Variants in UBAC2 observed in about 807,000 individuals in gnomAD.
UBAC2 encodes UBA domain containing 2.
Under a neutral mutation model 44.0 loss-of-function variants are expected in UBAC2, and 26 were observed. The ratio of observed to expected loss-of-function variants is 0.59; its 90% CI spans 0.43 to 0.82. The LOEUF (loss-of-function observed/expected upper bound fraction) is 0.82, where lower values mean the gene tolerates loss of function less well. Ranked by LOEUF, UBAC2 falls within the 40% of genes least tolerant of loss-of-function variation. The pLI is 0.00. For missense variants in UBAC2, 329 were observed against 419.4 expected, an observed-to-expected ratio of 0.78 and a Z score of 1.88; for synonymous variants, 155 against 154.3, an observed-to-expected ratio of 1.00 and a Z score of -0.04.
At chr13:99,318,619 G>A (rs1436438160) in intron 6 of UBAC2, among the ~76,000 whole-genome samples, 1 of 151,052 alleles carries the variant, frequency 6.6e-6, no homozygotes, top group Non-Finnish European at 1.5e-5. Flanking sequence ...AGGAGATCGA[G>A]ACCATCCTGG....
intron 7 of UBAC2, among the ~76,000 whole-genome samples, chr13:99,346,747 G>C (rs2044989336): frequency 6.6e-6 from 1 of 152,116 alleles, no homozygotes; most frequent in African/African-American, 2.4e-5. Flanking sequence ...CTCTGCCCCT[G>C]TAGACACTGC....
chr13:99,254,954 G>T (rs780396822), intron 4 of UBAC2: 2 of 1,614,042 alleles, frequency 1.2e-6, no homozygotes, highest in Non-Finnish European at 1.7e-6. Context: ...ATGCTTCGAA[G>T]GTAATTACGG....
At chr13:99,337,915 T>A (rs1254129830) in intron 6 of UBAC2, among the ~76,000 whole-genome samples, 2 of 152,042 alleles carry the variant, frequency 1.3e-5, no homozygotes, top group Non-Finnish European at 2.9e-5. Flanking sequence ...GGGTATCTAG[T>A]CTTTTGAACT....
chr13:99,320,339 C>T (rs781557262), intron 6 of UBAC2, among the ~76,000 whole-genome samples: 3 of 151,974 alleles, frequency 2.0e-5, no homozygotes, highest in Non-Finnish European at 2.9e-5. Context: ...AGGAATCAGA[C>T]GTTTAAAATA....
intron 4 of UBAC2, among the ~76,000 whole-genome samples, chr13:99,266,765 A>G (rs1231029311): frequency 2.0e-5 from 3 of 152,180 alleles, no homozygotes; most frequent in African/African-American, 7.2e-5. Flanking sequence ...GTTCATTCAC[A>G]CTGCTGTGCA....
intron 4 of UBAC2, chr13:99,255,914 AAT>A (rs763972706): frequency 6.7e-7 from 1 of 1,482,304 alleles, no homozygotes; most frequent in South Asian, 1.4e-5. Flanking sequence ...AAACTGTAAA[AAT>A]AGTTAAGAAA....
chr13:99,364,299 T>TAGC (rs2045303127), intron 7 of UBAC2, among the ~76,000 whole-genome samples: 1 of 151,028 alleles, frequency 6.6e-6, no homozygotes, highest in Admixed American at 6.6e-5. Flanking sequence ...AAACTGTTAA[T>TAGC]GTGTGGATTA....
chr13:99,360,622 C>T (rs2045252902), intron 7 of UBAC2, among the ~76,000 whole-genome samples: 1 of 152,174 alleles, frequency 6.6e-6, no homozygotes, highest in African/African-American at 2.4e-5. Context: ...ACTTAGGCCC[C>T]TTTCTTTGAA....
intron 2 of UBAC2, among the ~76,000 whole-genome samples, chr13:99,241,967 T>C (rs1168713572): frequency 6.6e-6 from 1 of 150,990 alleles, no homozygotes; most frequent in Non-Finnish European, 1.5e-5. Context: ...TTCAAGCATC[T>C]GTTTAACAAA....
chr13:99,259,257 T>C (rs936325907), intron 4 of UBAC2, among the ~76,000 whole-genome samples: 1 of 152,206 alleles, frequency 6.6e-6, no homozygotes, highest in African/African-American at 2.4e-5. Flanking sequence ...TCTTTATGTT[T>C]GGTTATGCAT....
intron 4 of UBAC2, among the ~76,000 whole-genome samples, chr13:99,248,762 A>G (rs1410261466): frequency 6.6e-6 from 1 of 151,816 alleles, no homozygotes; most frequent in East Asian, 1.9e-4. Flanking sequence ...CCTGGCCTCC[A>G]GCGATCCTCC....
intron 8 of UBAC2, among the ~76,000 whole-genome samples, chr13:99,382,351 G>A (rs934025350): frequency 6.6e-6 from 1 of 152,242 alleles, no homozygotes; most frequent in Non-Finnish European, 1.5e-5. Context: ...AGCATTTTAT[G>A]TGAAAATTCC....
intron 7 of UBAC2, among the ~76,000 whole-genome samples, chr13:99,343,445 C>G (rs1362228203): frequency 6.6e-6 from 1 of 152,194 alleles, no homozygotes; most frequent in Non-Finnish European, 1.5e-5. Context: ...GAGACAGACC[C>G]AAACCCCTGC....
intron 4 of UBAC2, among the ~76,000 whole-genome samples, chr13:99,298,246 G>T (rs1489136737): frequency 6.6e-6 from 1 of 152,150 alleles, no homozygotes; most frequent in Non-Finnish European, 1.5e-5. Flanking sequence ...ATGCAAATTT[G>T]ACCATGTGCT....
intron 8 of UBAC2, chr13:99,377,192 G>A (rs2045492528): frequency 8.4e-6 from 1 of 118,476 alleles, no homozygotes; most frequent in Non-Finnish European, 2.1e-5. Context: ...AAGCAAGCCA[G>A]GCCTGGTGCC....
At chr13:99,319,043 A>G (rs959012638) in intron 6 of UBAC2, among the ~76,000 whole-genome samples, 1 of 152,176 alleles carries the variant, frequency 6.6e-6, no homozygotes, top group African/African-American at 2.4e-5. Context: ...CACGAGGGAA[A>G]AAAATAATGC....
intron 4 of UBAC2, among the ~76,000 whole-genome samples, chr13:99,283,106 T>G (rs1325631354): frequency 1.3e-5 from 2 of 152,240 alleles, no homozygotes; most frequent in African/African-American, 4.8e-5. Flanking sequence ...TAATCAGTCA[T>G]GGGTACACCA....
Position 99,292,206 on chromosome 13 carries a change from GCTCACTGCAAGCTCCGT to G in UBAC2, c.390-21887_390-21871del, listed in dbSNP as rs558948202. ...ACTGGAGTGCAGTGGTGCAATCTCT[GCTCACTGCAAGCTCCGT>G]CTCCCAGGTTCACGCCATTCTCCCG... On this transcript the variant is annotated intron_variant, in intron 4 of 8. Transcript: ENST00000403766. Among the ~76,000 whole-genome samples the G allele has an allele frequency of 2.4e-3, 357 of 150,474 alleles. 3 individuals carry two copies. Among genetic ancestry groups the G allele is most frequent in the South Asian group, 0.011 (51 of 4,748 alleles).
intron 2 of UBAC2, among the ~76,000 whole-genome samples, chr13:99,242,677 G>C (rs1382876186): frequency 9.7e-4 from 3 of 3,082 alleles, no homozygotes; most frequent in Non-Finnish European, 1.4e-3. Context: ...TGGCCGGGCG[G>C]GGGGCTGACC....
Sources: gnomAD v4.1 joint callset for allele counts (sites outside exome capture counted in the v4.1 genomes callset) on GRCh38, gnomAD v4.1.1 for gene constraint, MANE v1.5 for transcripts, NCBI Gene and HGNC (gene_info 2026-07-23, HGNC 2026-07-21) for gene names.